Variants in PKHD1L1 observed in about 807,000 individuals in gnomAD.
PKHD1L1 encodes PKHD1 like 1, also known as fibrocystin-L.
PKHD1L1 carries 434 observed loss-of-function variants against 462.9 expected under a neutral mutation model. The ratio of observed to expected loss-of-function variants is 0.94; its 90% CI spans 0.87 to 1.02. The LOEUF (loss-of-function observed/expected upper bound fraction) is 1.02, where lower values mean the gene tolerates loss of function less well. PKHD1L1 is among the 50% of genes least tolerant of loss of function. The pLI is 0.00. For synonymous variants in PKHD1L1, 1,781 were observed against 1,750.0 expected (o/e 1.02, Z -0.44); for missense variants, 5,202 against 5,096.1 (o/e 1.02, Z -0.63).
rs1303742235 is a variant in PKHD1L1, at chr8:109,469,588, G to A, written c.8605+2819G>A. ...ACAGGAGAAAACCTAAGTGTGCAGT[G>A]CCACTTCCATCATTCCTTATGATGA... On this transcript the variant is annotated intron_variant, in intron 50 of 77. Transcript: ENST00000378402. 3.3e-5 allele frequency among the ~76,000 whole-genome samples: 5 copies of A among 152,148 alleles called. No individual in the cohort carries two copies. In the East Asian group the frequency reaches 9.6e-4, roughly 29 times the overall value.
chr8:109,453,840 G>A (rs191777330), intron 43 of PKHD1L1, among the ~76,000 whole-genome samples: 2 of 152,062 alleles, frequency 1.3e-5, no homozygotes, highest in Admixed American at 6.6e-5. Context: ...ATTTTGAGGT[G>A]CTGTGTTTGT....
chr8:109,444,391 CT>C (rs1358795453), intron 37 of PKHD1L1, among the ~76,000 whole-genome samples: 1 of 152,106 alleles, frequency 6.6e-6, no homozygotes, highest in East Asian at 1.9e-4. Context: ...GTTAAGCAAC[CT>C]TTTATTTATC....
At chr8:109,410,083 TCACAGTCAAATTGCAAA>T in intron 19 of PKHD1L1, 105 bp downstream of exon 19, 2 of 648,834 alleles carry the variant, frequency 3.1e-6, no homozygotes, top group Non-Finnish European at 2.4e-6. Context: ...ACTTTGTTAT[TCACAGTCAAATTGCAAA>T]AATGACTTTG....
intron 72 of PKHD1L1, among the ~76,000 whole-genome samples, chr8:109,516,693 C>T (rs1161420806): frequency 6.6e-6 from 1 of 152,070 alleles, no homozygotes; most frequent in African/African-American, 2.4e-5. Context: ...GTCAGCGTTA[C>T]TACTTTTTAT....
At chr8:109,381,765 C>T (rs1322588228) in intron 3 of PKHD1L1, among the ~76,000 whole-genome samples, 1 of 151,996 alleles carries the variant, frequency 6.6e-6, no homozygotes, top group Non-Finnish European at 1.5e-5. Flanking sequence ...TATTGTTGAG[C>T]ATTTTTAGAA....
chr8:109,401,447 G>T (rs527266095), intron 13 of PKHD1L1, 50 bp from the exon 14 acceptor site: 12 of 935,172 alleles, frequency 1.3e-5, no homozygotes, highest in East Asian at 1.2e-4. Flanking sequence ...TGTTGAAAAG[G>T]TCTATTAATA....
At position 109,507,613 on chromosome 8, in the gene PKHD1L1, A is replaced by G. The variant is rs116130491; in HGVS notation, c.10995-50A>G. 1.2e-3 allele frequency: 1,712 copies of G among 1,473,698 alleles called. 17 individuals carry two copies. In the African/African-American group the frequency reaches 0.021, roughly 18 times the overall value. 91.3% of individuals were successfully genotyped at this position (1,473,698 alleles called of 1,614,324 possible). On this transcript the variant is annotated intron_variant, in intron 68 of 77. Coordinates refer to ENST00000378402, the MANE Select transcript of PKHD1L1 (RefSeq NM_177531.6). The stretch of plus-strand genomic sequence containing the variant: ...TCTAAGTAAATATTCAAGTGTATTC[A>G]TATTGCTCTCTAGAAACAATGAACT...
rs1813751865 is a variant in PKHD1L1, at chr8:109,409,951, CAG to C, written c.2062_2063del (p.Asp688LeufsTer2). On this transcript the variant is annotated frameshift_variant, in exon 19 of 78. Transcript: ENST00000378402. LOFTEE classifies it high-confidence loss of function. Reference sequence around the variant, plus strand: ...AAGAAGGATTTGTTGTGAAATATTTCAGAGACTATGAAACTGATTTTAATCTG... The same window carrying C: ...AAGAAGGATTTGTTGTGAAATATTTCAGACTATGAAACTGATTTTAATCTG... ...FEEGFVVKYFRDYETDFNLEH... is the reference protein window; with the variant it reads ...FEEGFVVKYFXDYETDFNLEH... The C allele has an allele frequency of 6.3e-7, 1 of 1,595,624 alleles. No individual in the cohort carries two copies. Among genetic ancestry groups the C allele is most frequent in the Non-Finnish European group, 8.6e-7 (1 of 1,169,402 alleles).
chr8:109,470,739 C>T, intron 50 of PKHD1L1: 2 of 1,558,350 alleles, frequency 1.3e-6, no homozygotes, highest in East Asian at 2.2e-5. Context: ...CTTCTTGGGA[C>T]AGCCAGTTTC....
Position 109,534,021 on chromosome 8 carries a change from T to A in PKHD1L1, c.*3931T>A, listed in dbSNP as rs964931925. On this transcript the variant is annotated 3_prime_UTR_variant, in exon 78 of 78. Transcript: ENST00000378402. The stretch of plus-strand genomic sequence containing the variant: ...GGTGGTTATCCTAAATCTCCTGCTT[T>A]CATCAGATGTCTGAGATGGCAAAAT... Among the ~76,000 whole-genome samples, 1 of 152,240 alleles carries A rather than the reference T, an allele frequency of 6.6e-6. No individual in the cohort carries two copies. Among genetic ancestry groups the A allele is most frequent in the East Asian group, 1.9e-4 (1 of 5,198 alleles).
At chr8:109,495,430 A>G (rs1009680845) in intron 63 of PKHD1L1, among the ~76,000 whole-genome samples, 2 of 152,094 alleles carry the variant, frequency 1.3e-5, no homozygotes, top group Non-Finnish European at 2.9e-5. Flanking sequence ...GAGACTATTT[A>G]TAAGGAGATT....
Position 109,479,658 on chromosome 8 carries a change from A to G in PKHD1L1, c.9178+19A>G, listed in dbSNP as rs923325617. ...CCTGAAGGTAAATGCGTAAACACAA[A>G]TGAATGAAATGTTTGTTTTCTGCAA... On this transcript the variant is annotated intron_variant, in intron 54 of 77. Coordinates refer to ENST00000378402, the MANE Select transcript of PKHD1L1 (RefSeq NM_177531.6). 2 of 1,378,880 alleles carry G rather than the reference A, an allele frequency of 1.5e-6. No individual in the cohort carries two copies. The highest frequency in any genetic ancestry group is 1.0e-6 in the Non-Finnish European group (1 of 990,118). 85.4% of individuals were successfully genotyped at this position (1,378,880 alleles called of 1,614,324 possible). A position where few individuals can be genotyped will look rare whatever the true frequency, so the allele number is the denominator to read the frequency against.
At chr8:109,506,384 T>C (rs1819693961) in intron 68 of PKHD1L1, among the ~76,000 whole-genome samples, 2 of 152,344 alleles carry the variant, frequency 1.3e-5, no homozygotes, top group South Asian at 2.1e-4. Context: ...CAAGACTGGC[T>C]GCTTTGTCTT....
chr8:109,412,367 C>T lies in PKHD1L1; in HGVS notation c.2188C>T (p.Pro730Ser). The stretch of plus-strand genomic sequence containing the variant: ...TCTTTTTGACTCAGCAGATGTTAAA[C>T]CAAACAGACGACCATATGGAGATAT... ...AVLFDSADVK[P>S]NRRPYGDILL... The change falls in exon 20 of 78, where the codon CCA becomes TCA. Residue 730 changes from proline (P) to serine (S), a missense_variant. Coordinates refer to ENST00000378402, the MANE Select transcript of PKHD1L1 (RefSeq NM_177531.6). The T allele has an allele frequency of 6.2e-7, 1 of 1,613,496 alleles. No individual in the cohort carries two copies. Among genetic ancestry groups the T allele is most frequent in the Admixed American group, 1.7e-5 (1 of 59,972 alleles).
chr8:109,363,698 C>T (rs1811090152), intron 1 of PKHD1L1, among the ~76,000 whole-genome samples: 1 of 152,188 alleles, frequency 6.6e-6, no homozygotes, highest in Non-Finnish European at 1.5e-5. Flanking sequence ...AAGCAGCTCA[C>T]ACAATCCTGT....
At chr8:109,513,325 A>G (rs923872647) in intron 71 of PKHD1L1, among the ~76,000 whole-genome samples, 16 of 152,200 alleles carry the variant, frequency 1.1e-4, no homozygotes, top group African/African-American at 3.6e-4. Context: ...TTACATAAAA[A>G]TAATGTACAT....
chr8:109,501,873 A>T (rs546214173), intron 67 of PKHD1L1, among the ~76,000 whole-genome samples: 6 of 152,194 alleles, frequency 3.9e-5, no homozygotes, highest in Non-Finnish European at 7.4e-5. Context: ...ATGTCTATCC[A>T]CATATTTTTT....
intron 8 of PKHD1L1, 51 bp from the exon 9 acceptor site, chr8:109,390,401 T>C: frequency 2.7e-6 from 3 of 1,093,186 alleles, no homozygotes; most frequent in Non-Finnish European, 3.8e-6. Context: ...AGAGTTATTG[T>C]TCTTCTGTGA....
At chr8:109,472,164 A>G (rs1817755224) in intron 50 of PKHD1L1, among the ~76,000 whole-genome samples, 1 of 152,180 alleles carries the variant, frequency 6.6e-6, no homozygotes, top group South Asian at 2.1e-4. Context: ...AAAGTTGTAC[A>G]TGATAAGACA....
Sources: allele counts gnomAD v4.1 joint callset (sites outside exome capture counted in the v4.1 genomes callset), GRCh38; gene constraint gnomAD v4.1.1; transcripts MANE v1.5; gene names NCBI Gene and HGNC (gene_info 2026-07-23, HGNC 2026-07-21).